Variants in TNFSF4 observed in about 807,000 individuals in gnomAD.
TNFSF4 encodes the protein TNF superfamily member 4.
TNFSF4 carries 4 observed loss-of-function variants against 7.3 expected under a neutral mutation model. That is an observed-to-expected ratio of 0.55 (90% CI 0.27 to 1.25). The LOEUF is 1.25. TNFSF4 is among the 50% of genes most tolerant of loss of function. The pLI, the probability that TNFSF4 is intolerant of heterozygous loss-of-function variation, is 0.12. For missense variants in TNFSF4, 181 were observed against 208.8 expected (o/e 0.87, Z 0.82); for synonymous variants, 76 against 83.7 (o/e 0.91, Z 0.50).
intron 1 of TNFSF4, among the ~76,000 whole-genome samples, chr1:173,201,272 A>G (rs1196708023): frequency 6.6e-6 from 1 of 152,202 alleles, no homozygotes; most frequent in African/African-American, 2.4e-5. Flanking sequence ...TGCACCCATG[A>G]AATCTTAATT....
intron 1 of TNFSF4, among the ~76,000 whole-genome samples, chr1:173,192,483 G>A (rs990920378): frequency 1.3e-5 from 2 of 152,136 alleles, no homozygotes; most frequent in Non-Finnish European, 2.9e-5. Flanking sequence ...TATACTGAAT[G>A]ACCTAACTAT....
the TNFSF4 span, among the ~76,000 whole-genome samples, chr1:173,421,987 G>T: frequency 6.6e-6 from 1 of 151,940 alleles, no homozygotes; most frequent in African/African-American, 2.4e-5. Context: ...TCCTCTGCAG[G>T]ATTTACTGTC....
the TNFSF4 span, among the ~76,000 whole-genome samples, chr1:173,315,135 T>C: frequency 6.6e-6 from 1 of 152,188 alleles, no homozygotes; most frequent in African/African-American, 2.4e-5. Flanking sequence ...GACCTAAGTC[T>C]TCTCTGTGCT....
chr1:173,269,013 G>C, the TNFSF4 span, among the ~76,000 whole-genome samples: 1 of 152,072 alleles, frequency 6.6e-6, no homozygotes, highest in African/African-American at 2.4e-5. Context: ...CAATGATGCA[G>C]TTCAGATAGA....
At chr1:173,395,570 G>T in the TNFSF4 span, among the ~76,000 whole-genome samples, 1 of 151,090 alleles carries the variant, frequency 6.6e-6, no homozygotes, top group African/African-American at 2.4e-5. Flanking sequence ...TGACTTAAAG[G>T]CTTCTATGTG....
chr1:173,405,074 C>T, the TNFSF4 span, among the ~76,000 whole-genome samples: 1 of 152,128 alleles, frequency 6.6e-6, no homozygotes, highest in Non-Finnish European at 1.5e-5. Context: ...GTCTATCTTC[C>T]CCTATTAAAT....
the TNFSF4 span, among the ~76,000 whole-genome samples, chr1:173,284,420 C>T: frequency 1.3e-5 from 2 of 152,302 alleles, no homozygotes; most frequent in South Asian, 4.1e-4. Flanking sequence ...GATGTAGAAG[C>T]TGCAGCAAGT....
the TNFSF4 span, among the ~76,000 whole-genome samples, chr1:173,352,790 G>GT: frequency 6.6e-6 from 1 of 151,886 alleles, no homozygotes; most frequent in Non-Finnish European, 1.5e-5. Context: ...GCAAGCCTGG[G>GT]GGTGCTGCAG....
chr1:173,211,229 T>C (rs1650365015), upstream of TNFSF4, among the ~76,000 whole-genome samples: 1 of 152,220 alleles, frequency 6.6e-6, no homozygotes, highest in South Asian at 2.1e-4. Context: ...GGACAAGTGA[T>C]AGAGTGATGT....
the TNFSF4 span, among the ~76,000 whole-genome samples, chr1:173,293,808 A>G: frequency 6.6e-6 from 1 of 152,114 alleles, no homozygotes; most frequent in Non-Finnish European, 1.5e-5. Context: ...GGTAAAGGAC[A>G]TGAATGGACA....
At chr1:173,381,117 T>C in the TNFSF4 span, among the ~76,000 whole-genome samples, 6 of 152,160 alleles carry the variant, frequency 3.9e-5, no homozygotes, top group African/African-American at 1.4e-4. Flanking sequence ...TCTACTTAAT[T>C]ATCCTACTAC....
chr1:173,253,248 C>G, the TNFSF4 span, among the ~76,000 whole-genome samples: 1 of 152,170 alleles, frequency 6.6e-6, no homozygotes, highest in Non-Finnish European at 1.5e-5. Flanking sequence ...AAGAGCTCAG[C>G]TCTAGTATCC....
chr1:173,225,664 A>G, the TNFSF4 span, among the ~76,000 whole-genome samples: 1 of 152,358 alleles, frequency 6.6e-6, no homozygotes, highest in Non-Finnish European at 1.5e-5. Flanking sequence ...GGTTAGACAG[A>G]TAATACTGAG....
the TNFSF4 span, among the ~76,000 whole-genome samples, chr1:173,353,023 A>G: frequency 6.6e-6 from 1 of 152,208 alleles, no homozygotes; most frequent in Non-Finnish European, 1.5e-5. Flanking sequence ...GTCAGACCCA[A>G]TGGTTATCTC....
At chr1:173,266,342 C>T in the TNFSF4 span, among the ~76,000 whole-genome samples, 1,364 of 152,140 alleles carry the variant, frequency 9.0e-3, 9 homozygotes, top group Non-Finnish European at 0.014. Flanking sequence ...TACTACACCA[C>T]GAAAATACAG....
chr1:173,278,779 A>G, the TNFSF4 span, among the ~76,000 whole-genome samples: 2 of 152,060 alleles, frequency 1.3e-5, no homozygotes, highest in Admixed American at 1.3e-4. Context: ...CTCGAAATAA[A>G]TTGATATGAT....
At chr1:173,264,022 A>G in the TNFSF4 span, among the ~76,000 whole-genome samples, 1 of 152,184 alleles carries the variant, frequency 6.6e-6, no homozygotes, top group Non-Finnish European at 1.5e-5. Context: ...AAAAATAACT[A>G]TTGGATACTA....
the TNFSF4 span, among the ~76,000 whole-genome samples, chr1:173,283,604 A>T: frequency 6.6e-6 from 1 of 152,162 alleles, no homozygotes; most frequent in African/African-American, 2.4e-5. Context: ...AACAAAGGCA[A>T]AATAAAAACA....
At chr1:173,416,681 T>G in the TNFSF4 span, among the ~76,000 whole-genome samples, 1 of 120,846 alleles carries the variant, frequency 8.3e-6, no homozygotes, top group Non-Finnish European at 1.8e-5. Context: ...CAGGCTGGAG[T>G]GCAGTGATGT....
Sources: gnomAD v4.1 joint callset for allele counts (sites outside exome capture counted in the v4.1 genomes callset) on GRCh38, gnomAD v4.1.1 for gene constraint, MANE v1.5 for transcripts, NCBI Gene and HGNC (gene_info 2026-07-23, HGNC 2026-07-21) for gene names.